The following RNF13 variants were observed in gnomAD, a reference collection of about 807,000 sequenced individuals.
RNF13 encodes E3 ubiquitin-protein ligase RNF13.
A neutral mutation model predicts 37.7 loss-of-function variants in RNF13; 19 were observed. The ratio of observed to expected loss-of-function variants is 0.50; its 90% CI spans 0.35 to 0.74. The LOEUF (loss-of-function observed/expected upper bound fraction) is 0.74. Among genes scored for constraint, RNF13 ranks in the 30% least tolerant of loss-of-function variants. The probability of loss-of-function intolerance (pLI) is 0.01; values close to 1 mark genes in which losing one functional copy is unlikely to be tolerated. For synonymous variants in RNF13, 144 were observed against 157.8 expected (o/e 0.91, Z 0.65); for missense variants, 375 against 453.0 (o/e 0.83, Z 1.56).
intron 1 of RNF13, among the ~76,000 whole-genome samples, chr3:149,830,857 G>T (rs941367446): frequency 2.6e-5 from 4 of 152,224 alleles, no homozygotes; most frequent in African/African-American, 9.6e-5. Context: ...GCTGGGCTGG[G>T]CCCAGGGCCT....
chr3:149,891,846 A>G (rs938850054), intron 4 of RNF13, among the ~76,000 whole-genome samples: 2 of 152,230 alleles, frequency 1.3e-5, no homozygotes, highest in East Asian at 3.8e-4. Context: ...TTACTAAATG[A>G]TTTAACATTT....
chr3:149,914,151 C>T (rs1717261977), intron 7 of RNF13, among the ~76,000 whole-genome samples: 1 of 152,118 alleles, frequency 6.6e-6, no homozygotes, highest in Non-Finnish European at 1.5e-5. Context: ...TCTTGTCATG[C>T]TGGATCTTGT....
chr3:149,938,164 T>C (rs1044606054), intron 8 of RNF13, among the ~76,000 whole-genome samples: 2 of 151,288 alleles, frequency 1.3e-5, no homozygotes, highest in African/African-American at 4.8e-5. Flanking sequence ...TGTATATATA[T>C]AATTTTTTAA....
At chr3:149,900,308 G>T (rs1715686422) in intron 5 of RNF13, among the ~76,000 whole-genome samples, 1 of 151,822 alleles carries the variant, frequency 6.6e-6, no homozygotes, top group African/African-American at 2.4e-5. Context: ...CAAGTTTTAA[G>T]TATCAAATAA....
intron 3 of RNF13, among the ~76,000 whole-genome samples, chr3:149,854,550 T>G (rs1723459537): frequency 6.6e-6 from 1 of 152,248 alleles, no homozygotes; most frequent in Admixed American, 6.5e-5. Context: ...AAGGGATTTA[T>G]AAAGGGATAA....
chr3:149,893,598 T>C (rs1470964688), intron 4 of RNF13, among the ~76,000 whole-genome samples: 1 of 152,204 alleles, frequency 6.6e-6, no homozygotes, highest in Non-Finnish European at 1.5e-5. Context: ...GGTAATATAA[T>C]GCAGAAATAA....
chr3:149,842,551 A>G (rs1017920065), intron 1 of RNF13, among the ~76,000 whole-genome samples: 1 of 152,234 alleles, frequency 6.6e-6, no homozygotes, highest in Non-Finnish European at 1.5e-5. Flanking sequence ...ATATAAACCC[A>G]TATGTATAAA....
chr3:149,855,234 G>T (rs1461336017), intron 3 of RNF13, among the ~76,000 whole-genome samples: 1 of 152,134 alleles, frequency 6.6e-6, no homozygotes, highest in Non-Finnish European at 1.5e-5. Flanking sequence ...TGGGAGAATC[G>T]CTTGAACCCA....
At position 149,961,508 on chromosome 3, in the gene RNF13, T is replaced by C; in HGVS notation, c.*404T>C. The C allele has an allele frequency of 3.1e-6, 1 of 325,522 alleles. No individual in the cohort carries two copies. Among genetic ancestry groups the C allele is most frequent in the Non-Finnish European group, 5.9e-6 (1 of 169,364 alleles). 20.2% of individuals were successfully genotyped at this position (325,522 alleles called of 1,614,324 possible). On this transcript the variant is annotated 3_prime_UTR_variant, in exon 10 of 10. Transcript: ENST00000392894. ...ACCTCCATAAAGTTACCTAGAGTTG[T>C]TGAGTTGGAATATGTTCTGGCATTT...
At position 149,874,837 on chromosome 3, in the gene RNF13, C is replaced by T. The variant is rs140880542; in HGVS notation, c.321+2683C>T. 2.8e-3 allele frequency among the ~76,000 whole-genome samples: 432 copies of T among 152,030 alleles called. 2 individuals carry two copies. The highest frequency in any genetic ancestry group is 1.0e-2 in the African/African-American group (413 of 41,478). ...ACTGGGAAAACAACTGGAATCGCAC[C>T]CTAAAGAAGATTTCCTTTCTAGAGT... On this transcript the variant is annotated intron_variant, in intron 4 of 9. Transcript: ENST00000392894.
At chr3:149,822,617 T>G (rs1472315470) in intron 1 of RNF13, 3 of 152,148 alleles carry the variant, frequency 2.0e-5, no homozygotes, top group East Asian at 1.9e-4. Flanking sequence ...ATGAAATATG[T>G]TTTTAGCATA....
intron 6 of RNF13, among the ~76,000 whole-genome samples, chr3:149,910,223 C>T (rs970937680): frequency 1.3e-5 from 2 of 152,074 alleles, no homozygotes; most frequent in East Asian, 1.9e-4. Context: ...TGGCTGGCCT[C>T]GTGCTGGAAG....
At chr3:149,824,678 A>G (rs1576715174) in intron 1 of RNF13, among the ~76,000 whole-genome samples, 1 of 149,504 alleles carries the variant, frequency 6.7e-6, no homozygotes, top group Non-Finnish European at 1.5e-5. Flanking sequence ...TTTTTTTTTT[A>G]AAGATATACA....
chr3:149,924,591 AG>A (rs1393732314), intron 8 of RNF13, among the ~76,000 whole-genome samples: 1 of 152,208 alleles, frequency 6.6e-6, no homozygotes, highest in African/African-American at 2.4e-5. Context: ...GCTGAACATA[AG>A]TAAGATGAGA....
In RNF13 at chr3:149,869,064, T is replaced by TA. The variant is rs572023523; in HGVS notation, c.196-2959dup. On this transcript the variant is annotated intron_variant, in intron 3 of 9. Coordinates refer to ENST00000392894, the MANE Select transcript of RNF13 (RefSeq NM_183381.3). ...TTTTCTTTTTTCTCTTCTGTGTACT[T>TA]AAAAAATAGGCTGTCTTTGACTTGG... Among the ~76,000 whole-genome samples, 499 of 151,876 alleles carry TA rather than the reference T, an allele frequency of 3.3e-3. 6 individuals carry two copies. Among genetic ancestry groups the TA allele is most frequent in the African/African-American group, 9.5e-3 (394 of 41,522 alleles).
chr3:149,915,736 G>A (rs1717439393), intron 7 of RNF13, among the ~76,000 whole-genome samples: 1 of 152,178 alleles, frequency 6.6e-6, no homozygotes, highest in African/African-American at 2.4e-5. Context: ...CGTGAAATAA[G>A]CCAGTCACAA....
chr3:149,889,552 C>T (rs1388147063), intron 4 of RNF13, among the ~76,000 whole-genome samples: 2 of 151,614 alleles, frequency 1.3e-5, no homozygotes, highest in African/African-American at 4.9e-5. Context: ...ATCTGCCCGA[C>T]TCAGCCTCCC....
At chr3:149,853,464 GA>G (rs1392229785) in intron 3 of RNF13, among the ~76,000 whole-genome samples, 2 of 89,854 alleles carry the variant, frequency 2.2e-5, no homozygotes, top group Admixed American at 9.8e-5. Context: ...GGGAGAGAGA[GA>G]GAGAGAGAGA....
intron 6 of RNF13, among the ~76,000 whole-genome samples, chr3:149,907,450 A>G (rs1716540833): frequency 6.6e-6 from 1 of 152,164 alleles, no homozygotes; most frequent in Non-Finnish European, 1.5e-5. Context: ...TCTTTTAACT[A>G]CTTTTAAAAA....
Sources: gnomAD v4.1 joint callset for allele counts (sites outside exome capture counted in the v4.1 genomes callset) on GRCh38, gnomAD v4.1.1 for gene constraint, MANE v1.5 for transcripts, NCBI Gene and HGNC (gene_info 2026-07-23, HGNC 2026-07-21) for gene names.